The following CABCOCO1 variants were observed in gnomAD, a reference collection of about 807,000 sequenced individuals.
CABCOCO1 encodes the protein ciliary associated calcium binding coiled-coil 1, also known as ciliary-associated calcium-binding coiled-coil protein 1.
A neutral mutation model predicts 35.7 loss-of-function variants in CABCOCO1; 28 were observed. The ratio of observed to expected loss-of-function variants is 0.78; its 90% CI spans 0.58 to 1.07. CABCOCO1 has a LOEUF of 1.07. CABCOCO1 is among the 50% of genes least tolerant of loss of function. CABCOCO1 has a pLI of 0.00. For synonymous variants in CABCOCO1, 95 were observed against 100.1 expected (o/e 0.95, Z 0.30); for missense variants, 326 against 309.2 (o/e 1.05, Z -0.41).
intron 5 of CABCOCO1, among the ~76,000 whole-genome samples, chr10:61,737,768 C>T (rs191237121): frequency 6.6e-6 from 1 of 152,120 alleles, no homozygotes; most frequent in East Asian, 1.9e-4. Context: ...AATTTATGAA[C>T]ACGAAGGAGG....
At chr10:61,760,789 G>C (rs1841993320) in intron 6 of CABCOCO1, 74 bp from the exon 7 acceptor site, 9 of 1,443,384 alleles carry the variant, frequency 6.2e-6, no homozygotes, top group Non-Finnish European at 7.5e-6. Context: ...TTTAAAACAA[G>C]AAGTTTTAGG....
At chr10:61,665,653 C>G (rs1191789418) in intron 1 of CABCOCO1, among the ~76,000 whole-genome samples, 1 of 151,820 alleles carries the variant, frequency 6.6e-6, no homozygotes, top group East Asian at 1.9e-4. Flanking sequence ...TTTGGGAGGC[C>G]GAGGCGGGCG....
chr10:61,756,891 TGAGGAAAAAAAAA>T (rs1841908160), intron 5 of CABCOCO1, among the ~76,000 whole-genome samples: 1 of 151,266 alleles, frequency 6.6e-6, no homozygotes, highest in Non-Finnish European at 1.5e-5. Flanking sequence ...ATTAGACTTT[TGAGGAAAAAAAAA>T]TGAGACAATT....
intron 5 of CABCOCO1, among the ~76,000 whole-genome samples, chr10:61,756,152 A>G (rs886822746): frequency 5.3e-5 from 8 of 152,058 alleles, no homozygotes; most frequent in Admixed American, 2.6e-4. Flanking sequence ...CATTTACTTG[A>G]TATTCTTCAA....
chr10:61,694,470 T>G (rs943432917), intron 5 of CABCOCO1, among the ~76,000 whole-genome samples: 5 of 151,756 alleles, frequency 3.3e-5, no homozygotes, highest in African/African-American at 1.2e-4. Flanking sequence ...GCTATGTGTT[T>G]GTTAAAAAGA....
intron 5 of CABCOCO1, among the ~76,000 whole-genome samples, chr10:61,719,922 AAAAAAAAAAAAAAAAAAGGC>A (rs1262286276): frequency 1.0e-4 from 1 of 9,804 alleles, no homozygotes; most frequent in African/African-American, 1.9e-4. Context: ...CTCCATCTCA[AAAAAAAAAAAAAAAAAAGGC>A]AAAAAAGAAA....
chr10:61,746,136 T>C (rs540457025), intron 5 of CABCOCO1, among the ~76,000 whole-genome samples: 2 of 152,354 alleles, frequency 1.3e-5, no homozygotes, highest in African/African-American at 4.8e-5. Context: ...TTATATGCAC[T>C]AAATTTTACT....
At chr10:61,723,874 C>G (rs1166645982) in intron 5 of CABCOCO1, among the ~76,000 whole-genome samples, 3 of 152,088 alleles carry the variant, frequency 2.0e-5, no homozygotes, top group African/African-American at 7.2e-5. Context: ...AGTATTAATA[C>G]TGGAAAGAAG....
At chr10:61,684,678 C>T (rs1289769335) in intron 3 of CABCOCO1, among the ~76,000 whole-genome samples, 1 of 152,102 alleles carries the variant, frequency 6.6e-6, no homozygotes, top group Non-Finnish European at 1.5e-5. Context: ...GCGGCCTGTC[C>T]AGCCTGGCTT....
In CABCOCO1 at chr10:61,760,136, T is replaced by G. The variant is rs1299607624; in HGVS notation, c.630T>G (p.Tyr210Ter). 6 of 1,612,110 alleles carry G rather than the reference T, an allele frequency of 3.7e-6. No homozygotes were observed. Among genetic ancestry groups the G allele is most frequent in the African/African-American group, 1.3e-5 (1 of 74,820 alleles). ...AAGAAGGAATCTCATTTGATATTTA[T>G]TCAACATTCATAGAGCCCCCCACAA... is the stretch of plus-strand genomic sequence containing the variant. ...PLEEGISFDI[Y>*]STFIEPPTIL... is the part of the protein sequence containing the mutation. Residue 210 changes from tyrosine to a stop codon, truncating the protein, a stop_gained, in exon 6 of 8, where the codon TAT becomes TAG. Transcript: ENST00000648843. LOFTEE classifies it high-confidence loss of function.
At chr10:61,730,365 C>A (rs569017218) in intron 5 of CABCOCO1, among the ~76,000 whole-genome samples, 1 of 151,968 alleles carries the variant, frequency 6.6e-6, no homozygotes, top group East Asian at 1.9e-4. Context: ...ATGATAGGAA[C>A]AAATTGTAAC....
At chr10:61,761,300 T>C (rs1377238787) in intron 7 of CABCOCO1, among the ~76,000 whole-genome samples, 1 of 152,040 alleles carries the variant, frequency 6.6e-6, no homozygotes, top group Admixed American at 6.6e-5. Flanking sequence ...ATGTTGCTTA[T>C]GCAAAAGGAA....
At chr10:61,738,141 T>C (rs1216443889) in intron 5 of CABCOCO1, among the ~76,000 whole-genome samples, 2 of 151,752 alleles carry the variant, frequency 1.3e-5, no homozygotes, top group Non-Finnish European at 2.9e-5. Flanking sequence ...AGTTTTTAAA[T>C]GCCCCATGGT....
chr10:61,707,754 A>C (rs189341721), intron 5 of CABCOCO1, among the ~76,000 whole-genome samples: 428 of 152,238 alleles, frequency 2.8e-3, no homozygotes, highest in African/African-American at 0.01. Flanking sequence ...TTTTAAAGAA[A>C]TCTCCTGAAA....
At chr10:61,667,696 C>A (rs1403449437) in intron 1 of CABCOCO1, among the ~76,000 whole-genome samples, 1 of 151,936 alleles carries the variant, frequency 6.6e-6, no homozygotes, top group Non-Finnish European at 1.5e-5. Context: ...TAGGAAAAAA[C>A]TGGCTTTTAC....
Position 61,717,133 on chromosome 10 carries a change from C to A in CABCOCO1, c.552+26512C>A, listed in dbSNP as rs116814139. On this transcript the variant is annotated intron_variant, in intron 5 of 7. Coordinates refer to ENST00000648843, the MANE Select transcript of CABCOCO1 (RefSeq NM_001366906.2). ...AAAAGGAAAAAATTACCAAGGAATG[C>A]AAAACAAAGGAAACAAAAGAGGCAA... Among the ~76,000 whole-genome samples, 666 of 152,028 alleles carry A rather than the reference C, an allele frequency of 4.4e-3. 4 individuals are homozygous for A. The highest frequency in any genetic ancestry group is 0.015 in the African/African-American group (641 of 41,466).
rs571090032 is a variant in CABCOCO1 at position 61,664,703 on chromosome 10, A to G, written c.60+1671A>G. Reference sequence around the variant, plus strand: ...ACACGCTAATTCGCTGCTTGGTGGAAACTCCATTTTCCGTTTTAATGAAAG... The same window carrying G: ...ACACGCTAATTCGCTGCTTGGTGGAGACTCCATTTTCCGTTTTAATGAAAG... On this transcript the variant is annotated intron_variant, in intron 1 of 7. Coordinates refer to ENST00000648843, the MANE Select transcript of CABCOCO1 (RefSeq NM_001366906.2). Among the ~76,000 whole-genome samples the G allele has an allele frequency of 3.3e-5, 5 of 152,308 alleles. No individual in the cohort carries two copies. The South Asian group carries it at 1.0e-3, about 32-fold the overall frequency.
chr10:61,728,611 A>G (rs546426975), intron 5 of CABCOCO1, among the ~76,000 whole-genome samples: 1 of 152,334 alleles, frequency 6.6e-6, no homozygotes, highest in South Asian at 2.1e-4. Context: ...AAATACACAT[A>G]TATAAGCAAT....
chr10:61,735,569 T>C (rs1440175074), intron 5 of CABCOCO1, among the ~76,000 whole-genome samples: 3 of 152,174 alleles, frequency 2.0e-5, no homozygotes, highest in African/African-American at 4.8e-5. Flanking sequence ...GTTCACCTTA[T>C]AGATGTGAAT....
Sources: gnomAD v4.1 joint callset for allele counts (sites outside exome capture counted in the v4.1 genomes callset) on GRCh38, gnomAD v4.1.1 for gene constraint, MANE v1.5 for transcripts, NCBI Gene and HGNC (gene_info 2026-07-23, HGNC 2026-07-21) for gene names.